Variants in ZNF536 observed in about 807,000 individuals in gnomAD.
ZNF536 encodes zinc finger protein 536.
Under a neutral mutation model 84.5 loss-of-function variants are expected in ZNF536, and 13 were observed. The ratio of observed to expected loss-of-function variants is 0.15; its 90% CI spans 0.10 to 0.24. The LOEUF (loss-of-function observed/expected upper bound fraction) is 0.24. Among genes scored for constraint, ZNF536 ranks in the 10% least tolerant of loss-of-function variants. ZNF536 has a pLI of 1.00. For synonymous variants in ZNF536, 811 were observed against 742.5 expected, an observed-to-expected ratio of 1.09 and a Z score of -1.50; for missense variants, 1,536 against 1,747.5, an observed-to-expected ratio of 0.88 and a Z score of 2.16.
intron 1 of ZNF536, among the ~76,000 whole-genome samples, chr19:30,656,137 G>T (rs916826894): frequency 2.0e-5 from 3 of 152,162 alleles, no homozygotes; most frequent in Admixed American, 1.3e-4. Context: ...GCAAGATGGA[G>T]TTCTAGAGTC....
chr19:30,602,079 C>T (rs948247461), intron 1 of ZNF536, among the ~76,000 whole-genome samples: 3 of 152,208 alleles, frequency 2.0e-5, no homozygotes, highest in Non-Finnish European at 4.4e-5. Flanking sequence ...TTCAGTCCAC[C>T]CATTAGCGTT....
At chr19:30,420,344 G>T (rs1005925932) in intron 1 of ZNF536, among the ~76,000 whole-genome samples, 1 of 152,218 alleles carries the variant, frequency 6.6e-6, no homozygotes, top group East Asian at 1.9e-4. Flanking sequence ...ACCCCGATCC[G>T]CAGTGCGGTG....
chr19:30,700,177 T>G (rs1213457159), intron 1 of ZNF536, among the ~76,000 whole-genome samples: 2 of 139,630 alleles, frequency 1.4e-5, no homozygotes, highest in African/African-American at 2.8e-5. Context: ...CTTTCCTTCT[T>G]TCTTTTCTTT....
chr19:30,328,277 T>A (rs139251609), intron 2 of ZNF536, among the ~76,000 whole-genome samples: 1 of 152,168 alleles, frequency 6.6e-6, no homozygotes, highest in Non-Finnish European at 1.5e-5. Flanking sequence ...CAGGAGCTCC[T>A]TGAGAAATAA....
chr19:30,560,759 A>T (rs1041895557), downstream of ZNF536, among the ~76,000 whole-genome samples: 1 of 152,246 alleles, frequency 6.6e-6, no homozygotes, highest in Non-Finnish European at 1.5e-5. Flanking sequence ...TTCTGGTTGG[A>T]GAAAAAGAAT....
chr19:30,416,692 C>T (rs1191881907), intron 1 of ZNF536, among the ~76,000 whole-genome samples: 2 of 152,156 alleles, frequency 1.3e-5, no homozygotes, highest in Middle Eastern at 3.2e-3. Flanking sequence ...GTGGCCCTTT[C>T]ATCTTTTTCC....
In ZNF536 at chr19:30,443,547, G is replaced by A. The variant is rs760241874; in HGVS notation, c.-2-14G>A. ...CGCACCTGGCACGGATCTGAACTCTGCCTCTCTTTTCAGGGATGGAAGAAG... is the reference window on the plus strand; with the variant it reads ...CGCACCTGGCACGGATCTGAACTCTACCTCTCTTTTCAGGGATGGAAGAAG... On this transcript the variant is annotated splice_polypyrimidine_tract_variant and intron_variant, in intron 1 of 4. Coordinates refer to ENST00000355537, the MANE Select transcript of ZNF536 (RefSeq NM_014717.3). The A allele has an allele frequency of 7.9e-6, 12 of 1,525,010 alleles. No homozygotes were observed. Among genetic ancestry groups the A allele is most frequent in the Non-Finnish European group, 1.1e-5 (12 of 1,138,634 alleles). The allele number at this position is 1,525,010 out of a possible 1,614,324, so 94.5% of individuals were successfully genotyped here.
At chr19:30,270,835 C>G (rs1164480308) in intron 1 of ZNF536, among the ~76,000 whole-genome samples, 1 of 151,154 alleles carries the variant, frequency 6.6e-6, no homozygotes, top group Non-Finnish European at 1.5e-5. Context: ...GGATGGAGAC[C>G]ATTTCATTAT....
At chr19:30,248,396 A>ATTT (rs34048586) in intron 1 of ZNF536, among the ~76,000 whole-genome samples, 2 of 133,978 alleles carry the variant, frequency 1.5e-5, no homozygotes, top group South Asian at 2.4e-4. Flanking sequence ...TGCCCTGCTA[A>ATTT]TTTTTTTTTT....
upstream of ZNF536, among the ~76,000 whole-genome samples, chr19:30,226,453 C>T (rs2022619457): frequency 6.6e-6 from 1 of 151,064 alleles, no homozygotes; most frequent in African/African-American, 2.4e-5. This position sits in a 1 kb window ranked among gnomAD's most constrained non-coding sequence, Gnocchi z 4.6. Context: ...AACTTGCGGG[C>T]GCCGAGAGCC....
At chr19:30,258,237 A>G (rs918017455) in intron 1 of ZNF536, among the ~76,000 whole-genome samples, 5 of 152,176 alleles carry the variant, frequency 3.3e-5, no homozygotes, top group Non-Finnish European at 7.3e-5. Flanking sequence ...TACAAAACCA[A>G]TTCACCTCCA....
At chr19:30,621,094 G>A (rs1014788434) in intron 1 of ZNF536, among the ~76,000 whole-genome samples, 3 of 152,052 alleles carry the variant, frequency 2.0e-5, no homozygotes, top group South Asian at 2.1e-4. Flanking sequence ...AGAATATCAC[G>A]TTTGTCTTTA....
rs150067359 is a variant in ZNF536 at position 30,477,436 on chromosome 19, G to A, written c.2170+31704G>A. Among the ~76,000 whole-genome samples, 1,110 of 152,212 alleles carry A rather than the reference G, an allele frequency of 7.3e-3. 11 individuals are homozygous for A. Among genetic ancestry groups the A allele is most frequent in the African/African-American group, 0.022 (921 of 41,508 alleles). On this transcript the variant is annotated intron_variant, in intron 2 of 4. Transcript: ENST00000355537. ...GTGTTGAATGAATTTCTGCGGAGTC[G>A]TATGACATGCATGCATTTTATGAAA...
chr19:30,580,054 C>T (rs2046866313), intron 1 of ZNF536, among the ~76,000 whole-genome samples: 1 of 152,228 alleles, frequency 6.6e-6, no homozygotes, highest in Admixed American at 6.5e-5. Context: ...AGCCCCTGGC[C>T]TCCCTCTCCC....
intron 2 of ZNF536, among the ~76,000 whole-genome samples, chr19:30,335,900 G>A (rs541172962): frequency 6.6e-6 from 1 of 152,132 alleles, no homozygotes; most frequent in African/African-American, 2.4e-5. Context: ...TCAAGGAGTG[G>A]CCCTGGCTCA....
intron 2 of ZNF536, among the ~76,000 whole-genome samples, chr19:30,321,070 C>G (rs1000993379): frequency 1.3e-5 from 2 of 152,226 alleles, no homozygotes; most frequent in African/African-American, 4.8e-5. Flanking sequence ...CTCGCAGGCT[C>G]TGGCTCCAGG....
At chr19:30,575,184 T>C (rs1255560414) in intron 1 of ZNF536, among the ~76,000 whole-genome samples, 1 of 152,196 alleles carries the variant, frequency 6.6e-6, no homozygotes, top group Non-Finnish European at 1.5e-5. Context: ...ACATCTCTCC[T>C]ATGCCAGGCA....
At chr19:30,499,951 G>A (rs1392005166) in intron 2 of ZNF536, among the ~76,000 whole-genome samples, 1 of 152,072 alleles carries the variant, frequency 6.6e-6, no homozygotes, top group East Asian at 1.9e-4. Flanking sequence ...TAAGTGTGTG[G>A]CCCCACCCCA....
chr19:30,328,325 A>G (rs1029327311), intron 2 of ZNF536, among the ~76,000 whole-genome samples: 1 of 152,126 alleles, frequency 6.6e-6, no homozygotes, highest in East Asian at 1.9e-4. Context: ...GGCCACAGCT[A>G]CCCAAGGGCA....
Sources: allele counts gnomAD v4.1 joint callset (sites outside exome capture counted in the v4.1 genomes callset), GRCh38; gene constraint gnomAD v4.1.1; non-coding constraint Gnocchi (gnomAD v3.1); transcripts MANE v1.5; gene names NCBI Gene and HGNC (gene_info 2026-07-23, HGNC 2026-07-21).